The following GPM6A variants were observed in gnomAD, a reference collection of about 807,000 sequenced individuals.
GPM6A encodes the protein neuronal membrane glycoprotein M6-a.
GPM6A carries 7 observed loss-of-function variants against 32.1 expected under a neutral mutation model. The ratio of observed to expected loss-of-function variants is 0.22; its 90% confidence interval spans 0.12 to 0.41. The LOEUF is 0.41. Ranked by LOEUF, GPM6A falls within the 10% of genes least tolerant of loss-of-function variation. GPM6A has a pLI of 1.00. For missense variants in GPM6A, 235 were observed against 347.2 expected (o/e 0.68, Z 2.57); for synonymous variants, 130 against 123.4 (o/e 1.05, Z -0.35).
intron 4 of GPM6A, among the ~76,000 whole-genome samples, chr4:175,647,488 A>G (rs1741527353): frequency 6.6e-6 from 1 of 152,254 alleles, no homozygotes; most frequent in African/African-American, 2.4e-5. Context: ...TCCTCCAACT[A>G]TATCAAGTAA....
At chr4:175,951,455 T>G (rs920491495) in intron 1 of GPM6A, among the ~76,000 whole-genome samples, 2 of 152,196 alleles carry the variant, frequency 1.3e-5, no homozygotes, top group African/African-American at 4.8e-5. Flanking sequence ...AGCACTGGCC[T>G]ATAAGTCCGA....
At chr4:175,965,128 T>A (rs1018609785) in intron 1 of GPM6A, among the ~76,000 whole-genome samples, 23 of 152,146 alleles carry the variant, frequency 1.5e-4, no homozygotes, top group African/African-American at 5.1e-4. Context: ...CTTCTCAATC[T>A]CACGCAGAAC....
chr4:175,746,861 C>G (rs1013262635), intron 1 of GPM6A, among the ~76,000 whole-genome samples: 1 of 152,072 alleles, frequency 6.6e-6, no homozygotes, highest in Non-Finnish European at 1.5e-5. Flanking sequence ...GGGAAGTGAA[C>G]CTTGTTGCTT....
At chr4:175,961,567 T>C (rs1561012984) in intron 1 of GPM6A, among the ~76,000 whole-genome samples, 1 of 152,138 alleles carries the variant, frequency 6.6e-6, no homozygotes, top group Non-Finnish European at 1.5e-5. Flanking sequence ...TTTGGACAAG[T>C]TTGAGAATTA....
At chr4:175,957,134 G>A (rs1487544011) in intron 1 of GPM6A, among the ~76,000 whole-genome samples, 1 of 152,132 alleles carries the variant, frequency 6.6e-6, no homozygotes, top group African/African-American at 2.4e-5. Flanking sequence ...CAGACTGAAT[G>A]CTCAGGCTTA....
intron 1 of GPM6A, among the ~76,000 whole-genome samples, chr4:175,899,121 T>C (rs1278815888): frequency 1.3e-5 from 2 of 152,198 alleles, no homozygotes; most frequent in African/African-American, 4.8e-5. Context: ...AGACGAATTA[T>C]TTGCTTCTTC....
At chr4:175,864,497 T>G (rs966269422) in intron 1 of GPM6A, among the ~76,000 whole-genome samples, 5 of 152,090 alleles carry the variant, frequency 3.3e-5, no homozygotes, top group Non-Finnish European at 7.4e-5. Flanking sequence ...TGAGTAGGGT[T>G]GTTTTTCTTC....
chr4:175,929,320 C>T (rs1738949490), intron 1 of GPM6A, among the ~76,000 whole-genome samples: 1 of 152,206 alleles, frequency 6.6e-6, no homozygotes, highest in South Asian at 2.1e-4. Flanking sequence ...AACTAAGCCT[C>T]ATAATGAAAC....
chr4:175,932,548 T>C (rs1374291463), intron 1 of GPM6A, among the ~76,000 whole-genome samples: 1 of 152,196 alleles, frequency 6.6e-6, no homozygotes, highest in Non-Finnish European at 1.5e-5. Context: ...ACAAACAAAT[T>C]AAGACAATAT....
chr4:175,711,455 T>TACACAC (rs1322320563), intron 1 of GPM6A, among the ~76,000 whole-genome samples: 1 of 30,690 alleles, frequency 3.3e-5, no homozygotes, highest in African/African-American at 7.1e-5. Context: ...TATATATATA[T>TACACAC]ATACACACAC....
intron 1 of GPM6A, among the ~76,000 whole-genome samples, chr4:175,842,509 G>T (rs559475770): frequency 3.7e-4 from 57 of 152,202 alleles, no homozygotes; most frequent in Middle Eastern, 3.4e-3. Context: ...ACGTGCTTGA[G>T]TCCAGGAGTT....
chr4:175,712,404 C>G (rs559789014), intron 1 of GPM6A, among the ~76,000 whole-genome samples: 1 of 152,156 alleles, frequency 6.6e-6, no homozygotes, highest in African/African-American at 2.4e-5. Flanking sequence ...TAAAGAAGAG[C>G]TAGAGCAATT....
chr4:175,854,481 T>G (rs1270864624), intron 1 of GPM6A, among the ~76,000 whole-genome samples: 10 of 152,190 alleles, frequency 6.6e-5, no homozygotes, highest in Admixed American at 6.5e-5. Context: ...TTTACCTTTA[T>G]ACCTGAAACA....
At chr4:175,658,078 C>T (rs752524322) in intron 3 of GPM6A, among the ~76,000 whole-genome samples, 2 of 152,248 alleles carry the variant, frequency 1.3e-5, no homozygotes, top group African/African-American at 4.8e-5. Context: ...TACCTATGCT[C>T]AAGTTGTGAT....
intron 1 of GPM6A, among the ~76,000 whole-genome samples, chr4:175,930,706 C>G (rs1739011622): frequency 1.3e-5 from 2 of 151,934 alleles, no homozygotes; most frequent in African/African-American, 4.8e-5. Context: ...GGCATTTTTC[C>G]TGCAGATAAA....
intron 1 of GPM6A, chr4:175,970,884 A>G: frequency 2.2e-6 from 1 of 455,384 alleles, no homozygotes; most frequent in Non-Finnish European, 4.4e-6. Context: ...AAGTGTAGGC[A>G]TCACTCGATA....
intron 1 of GPM6A, among the ~76,000 whole-genome samples, chr4:175,999,984 C>T (rs1473901723): frequency 6.6e-6 from 1 of 152,092 alleles, no homozygotes; most frequent in Admixed American, 6.5e-5. Flanking sequence ...TTCCCCTATG[C>T]ACTTCCTTCC....
At chr4:175,946,102 A>G (rs1425906977) in intron 1 of GPM6A, among the ~76,000 whole-genome samples, 1 of 152,154 alleles carries the variant, frequency 6.6e-6, no homozygotes, top group Non-Finnish European at 1.5e-5. Flanking sequence ...CACGTAACAA[A>G]ACAGTACTTG....
At chr4:175,709,652 C>T (rs1263133839) in intron 1 of GPM6A, among the ~76,000 whole-genome samples, 1 of 147,236 alleles carries the variant, frequency 6.8e-6, no homozygotes, top group Non-Finnish European at 1.5e-5. Flanking sequence ...CGCTTGAACC[C>T]GGGAGGTGGA....
Sources: gnomAD v4.1 joint callset for allele counts (sites outside exome capture counted in the v4.1 genomes callset) on GRCh38, gnomAD v4.1.1 for gene constraint, MANE v1.5 for transcripts, NCBI Gene and HGNC (gene_info 2026-07-23, HGNC 2026-07-21) for gene names.